ALK: variants seen among roughly 807,000 people sequenced by gnomAD.
ALK encodes ALK receptor tyrosine kinase.
In ALK, 74 loss-of-function variants were observed where a neutral mutation model predicts 163.1. That is an observed-to-expected ratio of 0.45 (90% confidence interval 0.38 to 0.55). The LOEUF is 0.55. Among genes scored for constraint, ALK ranks in the 20% least tolerant of loss-of-function variants. The pLI is 0.00. For missense variants in ALK, 2,063 were observed against 2,105.3 expected, an observed-to-expected ratio of 0.98 and a Z score of 0.39; for synonymous variants, 960 against 843.2, an observed-to-expected ratio of 1.14 and a Z score of -2.40.
chr2:29,830,944 A>AG lies in ALK; in HGVS notation c.667+89048_667+89049insC, dbSNP rs1406580684. On this transcript the variant is annotated intron_variant, in intron 1 of 28. Coordinates refer to ENST00000389048, the MANE Select transcript of ALK (RefSeq NM_004304.5). ...GAAGAAAAGAAGAAGAAGAAGAAGA[A>AG]AAGAAGAAGAAAAGAAGAAGAAGAA... Among the ~76,000 whole-genome samples the AG allele has an allele frequency of 1.3e-4, 6 of 47,606 alleles. 1 individual carries two copies. Among genetic ancestry groups the AG allele is most frequent in the African/African-American group, 5.1e-4 (6 of 11,738 alleles). The allele number at this position is 47,606 out of a possible 152,430, so 31.2% of individuals were successfully genotyped here.
intron 3 of ALK, among the ~76,000 whole-genome samples, chr2:29,557,621 G>A (rs962699500): frequency 6.6e-6 from 1 of 152,108 alleles, no homozygotes; most frequent in Non-Finnish European, 1.5e-5. Flanking sequence ...CCCATTGATA[G>A]GTCAAGAAAT....
intron 1 of ALK, among the ~76,000 whole-genome samples, chr2:29,882,585 T>C (rs1479047878): frequency 2.0e-5 from 3 of 152,078 alleles, no homozygotes; most frequent in Admixed American, 2.0e-4. Flanking sequence ...TCCCAGTTAC[T>C]CAGGAGGCTG....
chr2:29,593,032 C>A (rs1433808063), intron 3 of ALK, among the ~76,000 whole-genome samples: 1 of 152,234 alleles, frequency 6.6e-6, no homozygotes, highest in African/African-American at 2.4e-5. Flanking sequence ...AAGAAACTAG[C>A]ACATGGCCTG....
chr2:29,514,095 T>C (rs2148143280), intron 4 of ALK, among the ~76,000 whole-genome samples: 1 of 117,180 alleles, frequency 8.5e-6, no homozygotes. Flanking sequence ...AGTGTGGCGA[T>C]TCCTCAGGGA....
chr2:29,641,533 G>A (rs973366056), intron 3 of ALK, among the ~76,000 whole-genome samples: 2 of 152,056 alleles, frequency 1.3e-5, no homozygotes, highest in African/African-American at 4.8e-5. Context: ...TGCTTTTATT[G>A]TTCAATTATA....
intron 12 of ALK, among the ~76,000 whole-genome samples, chr2:29,248,792 GAATT>G (rs764764283): frequency 2.2e-4 from 33 of 152,332 alleles, no homozygotes; most frequent in African/African-American, 7.0e-4. Context: ...ATGGGAAAAT[GAATT>G]AATTATTATT....
intron 4 of ALK, among the ~76,000 whole-genome samples, chr2:29,526,046 T>G (rs994875650): frequency 8.5e-5 from 13 of 152,168 alleles, no homozygotes; most frequent in African/African-American, 3.1e-4. Flanking sequence ...GTGGTTACTC[T>G]GAGAAGGAGG....
intron 4 of ALK, among the ~76,000 whole-genome samples, chr2:29,453,739 G>A (rs1670881211): frequency 6.6e-6 from 1 of 152,046 alleles, no homozygotes; most frequent in Non-Finnish European, 1.5e-5. Context: ...AAAAGAGGAA[G>A]GGAAGACGAT....
intron 4 of ALK, among the ~76,000 whole-genome samples, chr2:29,392,561 G>C (rs1669199735): frequency 1.3e-5 from 2 of 152,148 alleles, no homozygotes; most frequent in Admixed American, 6.5e-5. Context: ...ATCTGGACTG[G>C]AATATGCAGG....
chr2:29,277,996 A>C (rs531743268), intron 9 of ALK, among the ~76,000 whole-genome samples: 1 of 152,316 alleles, frequency 6.6e-6, no homozygotes, highest in East Asian at 1.9e-4. Context: ...TTGGTGTGGA[A>C]TAAAGTAGAA....
chr2:29,833,999 G>A (rs1447650356), intron 1 of ALK, among the ~76,000 whole-genome samples: 1 of 152,156 alleles, frequency 6.6e-6, no homozygotes, highest in African/African-American at 2.4e-5. Flanking sequence ...GTTTAATTCT[G>A]CAAAATCAAT....
At chr2:29,352,005 CTCT>C (rs1180765112) in intron 5 of ALK, among the ~76,000 whole-genome samples, 1 of 152,142 alleles carries the variant, frequency 6.6e-6, no homozygotes, top group Admixed American at 6.5e-5. Context: ...CAGCCACTCT[CTCT>C]TCTTCCAGCT....
intron 4 of ALK, among the ~76,000 whole-genome samples, chr2:29,453,835 G>A (rs970715236): frequency 6.6e-6 from 1 of 152,138 alleles, no homozygotes; most frequent in African/African-American, 2.4e-5. Flanking sequence ...GAACAGGCCT[G>A]TTAAGGACCT....
At position 29,466,459 on chromosome 2, in the gene ALK, G is replaced by A. The variant is rs528412070; in HGVS notation, c.1154+65456C>T. On this transcript the variant is annotated intron_variant, in intron 4 of 28. Coordinates refer to ENST00000389048, the MANE Select transcript of ALK (RefSeq NM_004304.5). The stretch of plus-strand genomic sequence containing the variant: ...GCACAATAATTTTCAAACACATATG[G>A]GTGCTATCACATGGAAATCTATTCT... Among the ~76,000 whole-genome samples, 3 of 152,148 alleles carry A rather than the reference G, an allele frequency of 2.0e-5. No individual in the cohort carries two copies. The South Asian group carries it at 6.2e-4, about 32-fold the overall frequency.
chr2:29,199,919 G>A (rs895434714), intron 26 of ALK, among the ~76,000 whole-genome samples: 4 of 152,090 alleles, frequency 2.6e-5, no homozygotes, highest in African/African-American at 9.7e-5. Flanking sequence ...TAAGAAACAT[G>A]GGGTGCTTTT....
chr2:29,381,425 T>C (rs113509053), intron 5 of ALK, among the ~76,000 whole-genome samples: 2,037 of 152,360 alleles, frequency 0.013, 51 homozygotes, highest in African/African-American at 0.046. Flanking sequence ...TCTGTCTTGA[T>C]GACACCCACA....
chr2:29,769,736 G>A (rs1341200477), intron 1 of ALK, among the ~76,000 whole-genome samples: 1 of 152,216 alleles, frequency 6.6e-6, no homozygotes, highest in Non-Finnish European at 1.5e-5. Context: ...TGAAATAAAT[G>A]TGCATCGAGA....
intron 11 of ALK, among the ~76,000 whole-genome samples, chr2:29,269,823 C>G (rs1665332553): frequency 6.6e-6 from 1 of 152,182 alleles, no homozygotes; most frequent in African/African-American, 2.4e-5. Flanking sequence ...TGAATGGGTG[C>G]TAACAGAAGT....
intron 3 of ALK, among the ~76,000 whole-genome samples, chr2:29,574,005 C>T (rs1674452035): frequency 6.6e-6 from 1 of 151,806 alleles, no homozygotes; most frequent in African/African-American, 2.4e-5. Context: ...AGTGAGAATA[C>T]CAAGTACAAA....
Sources: gnomAD v4.1 joint callset for allele counts (sites outside exome capture counted in the v4.1 genomes callset) on GRCh38, gnomAD v4.1.1 for gene constraint, MANE v1.5 for transcripts, NCBI Gene and HGNC (gene_info 2026-07-23, HGNC 2026-07-21) for gene names.